ARL15: variants seen among roughly 807,000 people sequenced by gnomAD.
ARL15 encodes the protein ARF like GTPase 15, also known as ADP-ribosylation factor-like protein 15.
A neutral mutation model predicts 25.2 loss-of-function variants in ARL15; 19 were observed. The observed-to-expected ratio is 0.75, with a 90% confidence interval of 0.53 to 1.10. The LOEUF (loss-of-function observed/expected upper bound fraction) is 1.10. Among genes scored for constraint, ARL15 ranks in the 50% least tolerant of loss-of-function variants. The pLI, the probability that ARL15 is intolerant of heterozygous loss-of-function variation, is 0.00. For missense variants in ARL15, 220 were observed against 246.0 expected, an observed-to-expected ratio of 0.89 and a Z score of 0.71; for synonymous variants, 94 against 86.8, an observed-to-expected ratio of 1.08 and a Z score of -0.46.
intron 4 of ARL15, among the ~76,000 whole-genome samples, chr5:53,921,934 AT>A (rs1215505096): frequency 6.6e-6 from 1 of 152,212 alleles, no homozygotes; most frequent in Non-Finnish European, 1.5e-5. Flanking sequence ...AAAATGTCTA[AT>A]TCAGTTCTAG....
At chr5:54,207,862 T>C (rs1457969060) in intron 1 of ARL15, among the ~76,000 whole-genome samples, 1 of 152,186 alleles carries the variant, frequency 6.6e-6, no homozygotes, top group Non-Finnish European at 1.5e-5. Flanking sequence ...CTAGATCCTC[T>C]CTCCGATTTC....
At chr5:54,083,447 T>C (rs961239179) in intron 4 of ARL15, among the ~76,000 whole-genome samples, 1 of 152,188 alleles carries the variant, frequency 6.6e-6, no homozygotes, top group Non-Finnish European at 1.5e-5. Context: ...GCAGGGATGG[T>C]TGCGCAAGAA....
intron 4 of ARL15, among the ~76,000 whole-genome samples, chr5:53,951,759 C>T (rs1015176996): frequency 1.9e-4 from 29 of 150,736 alleles, no homozygotes; most frequent in African/African-American, 6.4e-4. Context: ...AAGCATTATG[C>T]TTTATGCTTT....
intron 4 of ARL15, among the ~76,000 whole-genome samples, chr5:53,959,629 G>A (rs1561166201): frequency 6.6e-6 from 1 of 152,096 alleles, no homozygotes; most frequent in Non-Finnish European, 1.5e-5. Context: ...ACTGGCTATA[G>A]AGGTGCAGTT....
intron 1 of ARL15, among the ~76,000 whole-genome samples, chr5:54,239,717 G>A (rs1579941625): frequency 6.6e-6 from 1 of 152,114 alleles, no homozygotes. Flanking sequence ...TGTCTGAAAC[G>A]TGGGAGTGAT....
intron 1 of ARL15, among the ~76,000 whole-genome samples, chr5:54,236,411 C>CAT (rs1285217957): frequency 2.5e-5 from 2 of 78,802 alleles, no homozygotes; most frequent in African/African-American, 1.2e-4. Context: ...AACACAGACA[C>CAT]ACACACACAC....
In ARL15 at chr5:54,310,427, C is replaced by T; in HGVS notation, c.48+5G>A. ...GGCGACATGCCACCCCTGCCCTGCACCTACCAGATAATCCATGTACAGAAA... is the reference window on the plus strand; with the variant it reads ...GGCGACATGCCACCCCTGCCCTGCATCTACCAGATAATCCATGTACAGAAA... On this transcript the variant is annotated splice_donor_5th_base_variant and intron_variant, in intron 1 of 4. Transcript: ENST00000504924. 1.2e-6 allele frequency: 2 copies of T among 1,609,364 alleles called. No individual in the cohort carries two copies. The highest frequency in any genetic ancestry group is 1.1e-5 in the South Asian group (1 of 89,874).
chr5:54,289,809 A>G (rs250390), intron 1 of ARL15, among the ~76,000 whole-genome samples: 40,745 of 152,110 alleles, frequency 0.27, 6,719 homozygotes, highest in African/African-American at 0.47. Flanking sequence ...GAAATACAGT[A>G]AGCTTCAGAT....
intron 4 of ARL15, among the ~76,000 whole-genome samples, chr5:54,095,400 T>C (rs1401005442): frequency 6.6e-6 from 1 of 152,152 alleles, no homozygotes; most frequent in Non-Finnish European, 1.5e-5. Flanking sequence ...CTTCCCTTTG[T>C]CCCCAAAGAC....
chr5:54,023,919 T>C (rs1342855222), intron 4 of ARL15, among the ~76,000 whole-genome samples: 2 of 152,298 alleles, frequency 1.3e-5, no homozygotes, highest in Middle Eastern at 3.4e-3. Context: ...GGCCGGTGTA[T>C]GTTCTTCAAG....
At chr5:54,153,597 T>C (rs936794778) in intron 3 of ARL15, among the ~76,000 whole-genome samples, 1 of 152,188 alleles carries the variant, frequency 6.6e-6, no homozygotes, top group Non-Finnish European at 1.5e-5. Flanking sequence ...ATCATGGTTG[T>C]TTTATATATT....
chr5:53,965,636 T>G (rs983131887), intron 4 of ARL15, among the ~76,000 whole-genome samples: 1 of 151,976 alleles, frequency 6.6e-6, no homozygotes, highest in Non-Finnish European at 1.5e-5. Context: ...TTTTTTTTTT[T>G]TCTGTGTGGG....
At chr5:54,222,121 T>C (rs961354146) in intron 1 of ARL15, among the ~76,000 whole-genome samples, 1 of 152,254 alleles carries the variant, frequency 6.6e-6, no homozygotes, top group Non-Finnish European at 1.5e-5. Context: ...CAAGTTTCTC[T>C]TGAACCCCAA....
chr5:54,087,252 C>T (rs377659552), intron 4 of ARL15, among the ~76,000 whole-genome samples: 10 of 151,860 alleles, frequency 6.6e-5, no homozygotes, highest in Non-Finnish European at 1.2e-4. Context: ...GGTGTGAATC[C>T]GGGAGGCGGA....
chr5:54,048,905 T>C (rs1054423699), intron 4 of ARL15, among the ~76,000 whole-genome samples: 1 of 151,692 alleles, frequency 6.6e-6, no homozygotes, highest in Non-Finnish European at 1.5e-5. Flanking sequence ...CAGGAGTTAG[T>C]GGAGGTCAGG....
At chr5:54,261,643 A>G (rs1338365302) in intron 1 of ARL15, among the ~76,000 whole-genome samples, 1 of 152,198 alleles carries the variant, frequency 6.6e-6, no homozygotes, top group South Asian at 2.1e-4. Flanking sequence ...TCCCCAGAGA[A>G]TATCTAGTCA....
intron 4 of ARL15, among the ~76,000 whole-genome samples, chr5:53,917,249 T>C (rs1362520638): frequency 3.3e-5 from 5 of 152,212 alleles, no homozygotes; most frequent in Admixed American, 3.3e-4. Context: ...ACTTCAGATA[T>C]GAAGGTTAGT....
At chr5:54,263,446 A>G (rs566864186) in intron 1 of ARL15, among the ~76,000 whole-genome samples, 1 of 152,300 alleles carries the variant, frequency 6.6e-6, no homozygotes, top group East Asian at 1.9e-4. Context: ...CACATAATTT[A>G]AAAAGATAAG....
intron 4 of ARL15, among the ~76,000 whole-genome samples, chr5:53,998,784 G>A (rs1748766383): frequency 6.6e-6 from 1 of 152,120 alleles, no homozygotes; most frequent in Admixed American, 6.5e-5. Flanking sequence ...GAAAAGGCCT[G>A]GTCCCTGCTT....
Sources: gnomAD v4.1 joint callset for allele counts (sites outside exome capture counted in the v4.1 genomes callset) on GRCh38, gnomAD v4.1.1 for gene constraint, MANE v1.5 for transcripts, NCBI Gene and HGNC (gene_info 2026-07-23, HGNC 2026-07-21) for gene names.